ESRRB: variants seen among roughly 807,000 people sequenced by gnomAD.
ESRRB encodes the protein estrogen related receptor beta, also known as steroid hormone receptor ERR2.
Under a neutral mutation model 46.0 loss-of-function variants are expected in ESRRB, and 16 were observed. That is an observed-to-expected ratio of 0.35 (90% CI 0.24 to 0.53). ESRRB has a LOEUF of 0.53. Ranked by LOEUF, ESRRB falls within the 20% of genes least tolerant of loss-of-function variation. The pLI is 0.93. For synonymous variants in ESRRB, 246 were observed against 259.6 expected (o/e 0.95, Z 0.50); for missense variants, 488 against 607.4 (o/e 0.80, Z 2.07).
At position 76,500,171 on chromosome 14, in the gene ESRRB, C is replaced by A; in HGVS notation, c.*1713C>A. ...CTGGGCTGGGACGTGCTGAGGTCAT[C>A]CCAGACAGGAGGGAGGGCTGGCTGA... On this transcript the variant is annotated 3_prime_UTR_variant, in exon 7 of 7. Transcript: ENST00000644823. The A allele has an allele frequency of 1.1e-6, 1 of 926,798 alleles. No individual in the cohort carries two copies. Among genetic ancestry groups the A allele is most frequent in the Non-Finnish European group, 1.6e-6 (1 of 612,926 alleles). The allele number at this position is 926,798 out of a possible 1,614,324, so 57.4% of individuals were successfully genotyped here. A position where few individuals can be genotyped will look rare whatever the true frequency, so the allele number is the denominator to read the frequency against.
intron 3 of ESRRB, among the ~76,000 whole-genome samples, chr14:76,475,441 T>C (rs976223821): frequency 6.6e-6 from 1 of 152,190 alleles, no homozygotes; most frequent in Non-Finnish European, 1.5e-5. Flanking sequence ...TTTTGGTTTA[T>C]TTTCCTTAGC....
At chr14:76,386,093 C>T (rs564352797) in intron 1 of ESRRB, among the ~76,000 whole-genome samples, 2 of 152,168 alleles carry the variant, frequency 1.3e-5, no homozygotes, top group African/African-American at 2.4e-5. Context: ...GGTGCTTGAA[C>T]TGACTACTTT....
At chr14:76,422,009 G>A (rs921052063) in intron 1 of ESRRB, among the ~76,000 whole-genome samples, 2 of 152,082 alleles carry the variant, frequency 1.3e-5, no homozygotes, top group African/African-American at 4.8e-5. Flanking sequence ...TTATTTATCA[G>A]ATCAATAGTC....
chr14:76,352,028 A>G (rs1174181991), intron 1 of ESRRB, among the ~76,000 whole-genome samples: 1 of 151,362 alleles, frequency 6.6e-6, no homozygotes, highest in African/African-American at 2.4e-5. Context: ...CAAGAAAGCA[A>G]GTGAACAGGT....
chr14:76,323,655 G>A (rs549523272), intron 1 of ESRRB, among the ~76,000 whole-genome samples: 1 of 152,306 alleles, frequency 6.6e-6, no homozygotes, highest in Non-Finnish European at 1.5e-5. Flanking sequence ...CCATGCTGGG[G>A]AGGGGAGGTG....
chr14:76,445,577 C>T (rs560982693), intron 2 of ESRRB, among the ~76,000 whole-genome samples: 23 of 151,878 alleles, frequency 1.5e-4, no homozygotes, highest in Non-Finnish European at 3.1e-4. Flanking sequence ...CTTCCTTCTG[C>T]GCAATCCAAT....
intron 3 of ESRRB, among the ~76,000 whole-genome samples, chr14:76,464,179 GT>G (rs1421171789): frequency 1.3e-5 from 2 of 152,214 alleles, no homozygotes; most frequent in African/African-American, 2.4e-5. Flanking sequence ...AAAGAGGTGT[GT>G]GGGGGTGATC....
chr14:76,364,524 A>G (rs927892587), intron 1 of ESRRB, among the ~76,000 whole-genome samples: 3 of 152,134 alleles, frequency 2.0e-5, no homozygotes, highest in Admixed American at 6.5e-5. Context: ...ACCCATCTCT[A>G]CTAAAAGAAA....
chr14:76,480,972 C>G (rs1175135327), intron 3 of ESRRB, among the ~76,000 whole-genome samples: 1 of 152,174 alleles, frequency 6.6e-6, no homozygotes, highest in Non-Finnish European at 1.5e-5. Context: ...GAAAAGGGAG[C>G]TGTTCAGTGA....
At chr14:76,429,692 GTGAGCCGAGAT>G (rs906063829) in intron 1 of ESRRB, among the ~76,000 whole-genome samples, 20 of 152,264 alleles carry the variant, frequency 1.3e-4, no homozygotes, top group African/African-American at 4.8e-4. Context: ...AGTGGTTGTG[GTGAGCCGAGAT>G]AGTGCCATTG....
chr14:76,464,286 G>T (rs1408031066), intron 3 of ESRRB, among the ~76,000 whole-genome samples: 1 of 152,238 alleles, frequency 6.6e-6, no homozygotes, highest in Non-Finnish European at 1.5e-5. Context: ...GCCCAGCCCA[G>T]CCTTGGGAGC....
chr14:76,315,437 G>A (rs1883788334), intron 1 of ESRRB, among the ~76,000 whole-genome samples: 1 of 152,188 alleles, frequency 6.6e-6, no homozygotes, highest in African/African-American at 2.4e-5. Flanking sequence ...CGCCTTCCAA[G>A]TCAGACAGCC....
intron 1 of ESRRB, among the ~76,000 whole-genome samples, chr14:76,400,900 T>C (rs986564275): frequency 6.6e-6 from 1 of 152,180 alleles, no homozygotes; most frequent in African/African-American, 2.4e-5. Context: ...TCCAGAGATA[T>C]AAGATTTCTT....
chr14:76,389,877 G>T lies in ESRRB; in HGVS notation c.50+13426G>T, dbSNP rs531648836. Among the ~76,000 whole-genome samples the T allele has an allele frequency of 2.6e-5, 4 of 152,224 alleles. No homozygotes were observed. The East Asian group carries it at 7.7e-4, about 29-fold the overall frequency. ...TTAGTACATTTCACTTTACGTTCTT[G>T]CCATCAATTTACACCTAATGTATGG... On this transcript the variant is annotated intron_variant, in intron 1 of 6. Coordinates refer to ENST00000644823, the MANE Select transcript of ESRRB (RefSeq NM_001379180.1).
chr14:76,486,954 T>G (rs1433169732), intron 5 of ESRRB, among the ~76,000 whole-genome samples: 2 of 152,152 alleles, frequency 1.3e-5, no homozygotes, highest in African/African-American at 4.8e-5. Flanking sequence ...CTGGGCTCCT[T>G]CTGGGTTTTA....
chr14:76,434,888 C>G (rs752567322), intron 1 of ESRRB, among the ~76,000 whole-genome samples: 1 of 152,118 alleles, frequency 6.6e-6, no homozygotes, highest in Non-Finnish European at 1.5e-5. Flanking sequence ...TCCCAGGACT[C>G]AAGTGAATGG....
At chr14:76,447,908 C>T (rs1888220356) in intron 2 of ESRRB, among the ~76,000 whole-genome samples, 1 of 152,176 alleles carries the variant, frequency 6.6e-6, no homozygotes, top group Non-Finnish European at 1.5e-5. Context: ...CACATCTGAC[C>T]ATGTCTCCCT....
chr14:76,362,260 C>T (rs762397463), intron 1 of ESRRB, among the ~76,000 whole-genome samples: 5 of 152,138 alleles, frequency 3.3e-5, no homozygotes, highest in Non-Finnish European at 5.9e-5. Context: ...ACATGGGCAG[C>T]GAGGTCACAG....
Position 76,376,551 on chromosome 14 carries a change from G to A in ESRRB, c.50+100G>A. The A allele has an allele frequency of 1.1e-6, 1 of 918,072 alleles. No homozygotes were observed. The highest frequency in any genetic ancestry group is 1.4e-6 in the Non-Finnish European group (1 of 702,594). The allele number at this position is 918,072 out of a possible 1,614,324, so 56.9% of individuals were successfully genotyped here. A position where few individuals can be genotyped will look rare whatever the true frequency, so the allele number is the denominator to read the frequency against. On this transcript the variant is annotated intron_variant, in intron 1 of 6. Coordinates refer to ENST00000644823, the MANE Select transcript of ESRRB (RefSeq NM_001379180.1). This position sits in a 1 kb window ranked among gnomAD's most constrained non-coding sequence, Gnocchi z 4.1. ...TTTCTGCACATTCTTGTGTAAAAGTGGAAGGGACTTCGGGGGGGCACTTGG... is the reference window on the plus strand; with the variant it reads ...TTTCTGCACATTCTTGTGTAAAAGTAGAAGGGACTTCGGGGGGGCACTTGG...
Sources: gnomAD v4.1 joint callset for allele counts (sites outside exome capture counted in the v4.1 genomes callset) on GRCh38, gnomAD v4.1.1 for gene constraint, Gnocchi (gnomAD v3.1) non-coding constraint, MANE v1.5 for transcripts, NCBI Gene and HGNC (gene_info 2026-07-23, HGNC 2026-07-21) for gene names.